MIPEP: variants seen among roughly 807,000 people sequenced by gnomAD.
MIPEP encodes the protein mitochondrial intermediate peptidase.
A neutral mutation model predicts 90.3 loss-of-function variants in MIPEP; 79 were observed. The ratio of observed to expected loss-of-function variants is 0.87; its 90% confidence interval spans 0.73 to 1.05. The LOEUF (loss-of-function observed/expected upper bound fraction) is 1.05. Among genes scored for constraint, MIPEP ranks in the 50% least tolerant of loss-of-function variants. MIPEP has a pLI of 0.00. For missense variants in MIPEP, 940 were observed against 905.6 expected, an observed-to-expected ratio of 1.04 and a Z score of -0.49; for synonymous variants, 334 against 315.8, an observed-to-expected ratio of 1.06 and a Z score of -0.61.
intron 16 of MIPEP, among the ~76,000 whole-genome samples, chr13:23,792,187 A>C (rs1196733124): frequency 6.6e-6 from 1 of 151,950 alleles, no homozygotes; most frequent in East Asian, 1.9e-4. Context: ...CTTGGGGTTG[A>C]TCTCACCCAG....
At chr13:23,792,703 C>A (rs1321160401) in intron 16 of MIPEP, among the ~76,000 whole-genome samples, 1 of 152,226 alleles carries the variant, frequency 6.6e-6, no homozygotes. Context: ...GTGCTCAGAT[C>A]AAAACCCTTG....
chr13:23,784,668 C>T (rs1952818117), intron 16 of MIPEP, among the ~76,000 whole-genome samples: 1 of 152,170 alleles, frequency 6.6e-6, no homozygotes, highest in Non-Finnish European at 1.5e-5. Context: ...AGCTTCTGCA[C>T]AGCAAAAGAA....
chr13:23,821,575 G>C (rs1953305443), intron 14 of MIPEP, among the ~76,000 whole-genome samples: 1 of 152,122 alleles, frequency 6.6e-6, no homozygotes, highest in Admixed American at 6.5e-5. Flanking sequence ...ATCCTACTAA[G>C]CAGCTGGGTA....
intron 18 of MIPEP, among the ~76,000 whole-genome samples, chr13:23,742,882 C>T (rs1877757654): frequency 6.6e-6 from 1 of 152,142 alleles, no homozygotes; most frequent in African/African-American, 2.4e-5. Context: ...GGTGATGGCT[C>T]CACAGCATTG....
At chr13:23,831,122 A>C (rs1868715712) in intron 14 of MIPEP, among the ~76,000 whole-genome samples, 1 of 152,180 alleles carries the variant, frequency 6.6e-6, no homozygotes, top group Non-Finnish European at 1.5e-5. Context: ...ATATATTCAC[A>C]CATCTGGGGA....
rs147874965 is a variant in MIPEP at position 23,853,424 on chromosome 13, T to C, written c.1106+5436A>G. Among the ~76,000 whole-genome samples, 1,017 of 152,282 alleles carry C rather than the reference T, an allele frequency of 6.7e-3. 8 individuals carry two copies. Among genetic ancestry groups the C allele is most frequent in the Middle Eastern group, 0.014 (4 of 294 alleles). Reference sequence around the variant, plus strand: ...TGTTGCAGCTGCCTACAGTTTTCAGTATGGTAACATTCTGTGCAGGTTTGT... The same window carrying C: ...TGTTGCAGCTGCCTACAGTTTTCAGCATGGTAACATTCTGTGCAGGTTTGT... On this transcript the variant is annotated intron_variant, in intron 10 of 18. Transcript: ENST00000382172.
At chr13:23,768,065 C>T (rs544196884) in intron 16 of MIPEP, among the ~76,000 whole-genome samples, 38 of 152,316 alleles carry the variant, frequency 2.5e-4, no homozygotes, top group African/African-American at 8.7e-4. Context: ...GGAAGCTACT[C>T]GCCCTCCTTG....
At position 23,765,979 on chromosome 13, in the gene MIPEP, A is replaced by G. The variant is rs1952588210; in HGVS notation, c.1849-5762T>C. On this transcript the variant is annotated intron_variant, in intron 16 of 18. Transcript: ENST00000382172. ...ATGATGATGTGACACTGTCTGAGAG[A>G]GTACATTTCAAGACCACCACACAAC... is the stretch of plus-strand genomic sequence containing the variant. 2.0e-5 allele frequency: 3 copies of G among 152,196 alleles called. 1 individual carries two copies. The highest frequency in any genetic ancestry group is 4.4e-5 in the Non-Finnish European group (3 of 68,042). 9.4% of individuals were successfully genotyped at this position (152,196 alleles called of 1,614,324 possible). A position where few individuals can be genotyped will look rare whatever the true frequency, so the allele number is the denominator to read the frequency against.
intron 16 of MIPEP, among the ~76,000 whole-genome samples, chr13:23,791,670 T>C (rs1267418910): frequency 6.6e-6 from 1 of 151,954 alleles, no homozygotes; most frequent in Non-Finnish European, 1.5e-5. Flanking sequence ...CTTACACATA[T>C]TATTCACCTC....
chr13:23,735,723 T>A (rs1339129943), intron 18 of MIPEP, among the ~76,000 whole-genome samples: 1 of 152,142 alleles, frequency 6.6e-6, no homozygotes, highest in Non-Finnish European at 1.5e-5. Flanking sequence ...TGATTTTGTA[T>A]GTATGTGATT....
At chr13:23,868,505 C>T (rs554285795) in intron 7 of MIPEP, among the ~76,000 whole-genome samples, 1 of 152,088 alleles carries the variant, frequency 6.6e-6, no homozygotes, top group African/African-American at 2.4e-5. Context: ...CCCCAGTGTC[C>T]CCTCTGTCGG....
chr13:23,741,470 A>C (rs913928917), intron 18 of MIPEP, among the ~76,000 whole-genome samples: 37 of 146,244 alleles, frequency 2.5e-4, no homozygotes, highest in Non-Finnish European at 1.8e-4. Context: ...GTACATACAC[A>C]CCAAGGAATA....
intron 16 of MIPEP, among the ~76,000 whole-genome samples, chr13:23,802,074 G>C (rs1368097864): frequency 6.6e-6 from 1 of 152,140 alleles, no homozygotes; most frequent in African/African-American, 2.4e-5. Context: ...CCTACCTGCA[G>C]TGTATAAGAG....
intron 18 of MIPEP, among the ~76,000 whole-genome samples, chr13:23,752,263 T>C (rs900450583): frequency 2.0e-5 from 3 of 152,230 alleles, no homozygotes; most frequent in African/African-American, 7.2e-5. Context: ...ATATGAAAAC[T>C]TGCATGAGTA....
chr13:23,814,964 C>A (rs1332730099), intron 14 of MIPEP, among the ~76,000 whole-genome samples: 1 of 152,192 alleles, frequency 6.6e-6, no homozygotes, highest in Non-Finnish European at 1.5e-5. Flanking sequence ...GGGCAACTTA[C>A]TGAACTGTGA....
intron 16 of MIPEP, chr13:23,760,507 T>C (rs1355843621): frequency 1.7e-6 from 1 of 597,866 alleles, no homozygotes; most frequent in Non-Finnish European, 3.3e-6. Context: ...GTGAAGCTCT[T>C]AGACTGGGCC....
At chr13:23,816,402 C>A (rs568401730) in intron 14 of MIPEP, among the ~76,000 whole-genome samples, 1 of 152,270 alleles carries the variant, frequency 6.6e-6, no homozygotes, top group East Asian at 1.9e-4. Flanking sequence ...TTTCTACTGA[C>A]CTAATCTATC....
intron 14 of MIPEP, among the ~76,000 whole-genome samples, chr13:23,829,895 C>A (rs951560061): frequency 2.0e-5 from 3 of 152,136 alleles, no homozygotes; most frequent in Admixed American, 2.0e-4. Flanking sequence ...CTAATTAAGA[C>A]CACAATAGCA....
intron 14 of MIPEP, among the ~76,000 whole-genome samples, chr13:23,813,701 T>A (rs1953201526): frequency 6.6e-6 from 1 of 151,854 alleles, no homozygotes; most frequent in Admixed American, 6.6e-5. Flanking sequence ...GGCTCAAAGA[T>A]CCTCCCACCT....
Sources: allele counts gnomAD v4.1 joint callset (sites outside exome capture counted in the v4.1 genomes callset), GRCh38; gene constraint gnomAD v4.1.1; transcripts MANE v1.5; gene names NCBI Gene and HGNC (gene_info 2026-07-23, HGNC 2026-07-21).